NLRP4: variants seen among roughly 807,000 people sequenced by gnomAD.
The protein encoded by NLRP4 is NLR family pyrin domain containing 4, also known as NACHT, LRR and PYD domains-containing protein 4.
Under a neutral mutation model 84.7 loss-of-function variants are expected in NLRP4, and 44 were observed. That is an observed-to-expected ratio of 0.52 (90% CI 0.41 to 0.67). NLRP4 has a LOEUF of 0.67. NLRP4 is among the 30% of genes least tolerant of loss of function. The probability of loss-of-function intolerance (pLI) is 0.00; values close to 1 mark genes in which losing one functional copy is unlikely to be tolerated. For synonymous variants in NLRP4, 544 were observed against 476.4 expected (o/e 1.14, Z -1.85); for missense variants, 1,260 against 1,219.4 (o/e 1.03, Z -0.50).
intron 8 of NLRP4, 77 bp from the exon 9 acceptor site, chr19:55,878,717 A>G (rs1985468149): frequency 9.9e-6 from 13 of 1,317,638 alleles, no homozygotes; most frequent in Non-Finnish European, 1.4e-5. Context: ...TGCCTCAACT[A>G]GACGTCTAGC....
chr19:55,851,687 TGTCCGAGGCTGCGGTGTAATGTCCGA>T lies in NLRP4; in HGVS notation c.-65-327_-65-302del, dbSNP rs1568660096. Among the ~76,000 whole-genome samples, 548 of 141,728 alleles carry T rather than the reference TGTCCGAGGCTGCGGTGTAATGTCCGA, an allele frequency of 3.9e-3. 2 individuals are homozygous for T. Among genetic ancestry groups the T allele is most frequent in the East Asian group, 0.017 (80 of 4,804 alleles). 93.0% of individuals were successfully genotyped at this position (141,728 alleles called of 152,430 possible). On this transcript the variant is annotated intron_variant, in intron 1 of 9. Transcript: ENST00000301295. ...TGTAATGTCCGAGGCTGCGGTGTAATGTCCGAGGCTGCGGTGTAATGTCCGAGGCTGCGGTGTAATTTCCGAAGCTG... is the reference window on the plus strand; with the variant it reads ...TGTAATGTCCGAGGCTGCGGTGTAATGGCTGCGGTGTAATTTCCGAAGCTG...
intron 1 of NLRP4, 104 bp downstream of exon 1, chr19:55,837,038 A>C (rs1218728186): frequency 6.6e-6 from 1 of 152,226 alleles, no homozygotes; most frequent in Non-Finnish European, 1.5e-5. Flanking sequence ...CTGTAATTCC[A>C]GAATGTGATT....
chr19:55,873,691 A>G lies in NLRP4; in HGVS notation c.2525+2694A>G, dbSNP rs373275804. Among the ~76,000 whole-genome samples the G allele has an allele frequency of 8.5e-5, 13 of 152,274 alleles. 1 individual carries two copies. The highest frequency in any genetic ancestry group is 5.9e-4 in the Admixed American group (9 of 15,290). ...AAAAGACCACGCAAATATTAAAAGGAAGCTTACGCAACTGTATGAATCAGA... is the reference window on the plus strand; with the variant it reads ...AAAAGACCACGCAAATATTAAAAGGGAGCTTACGCAACTGTATGAATCAGA... On this transcript the variant is annotated intron_variant, in intron 7 of 9. Transcript: ENST00000301295.
chr19:55,861,634 C>A, intron 4 of NLRP4, 87 bp downstream of exon 4: 1 of 1,253,548 alleles, frequency 8.0e-7, no homozygotes, highest in Non-Finnish European at 1.1e-6. Flanking sequence ...GCTAACTGCA[C>A]AAGCAAAGAA....
At chr19:55,870,756 T>C in intron 6 of NLRP4, 71 bp from the exon 7 acceptor site, 1 of 1,109,480 alleles carries the variant, frequency 9.0e-7, no homozygotes, top group Non-Finnish European at 1.4e-6. Context: ...ACCCTGAATG[T>C]GAAATTAAGC....
At chr19:55,867,411 C>G (rs967390155) in intron 5 of NLRP4, among the ~76,000 whole-genome samples, 4 of 151,552 alleles carry the variant, frequency 2.6e-5, no homozygotes, top group African/African-American at 9.7e-5. Context: ...TTGGCTGTCT[C>G]TGTACCCCAG....
chr19:55,866,743 C>T (rs1332813184), intron 5 of NLRP4, among the ~76,000 whole-genome samples: 1 of 152,116 alleles, frequency 6.6e-6, no homozygotes, highest in Non-Finnish European at 1.5e-5. Flanking sequence ...GGCACACATG[C>T]AAAATAGCCC....
At chr19:55,847,428 C>T (rs536775428) in intron 1 of NLRP4, among the ~76,000 whole-genome samples, 4 of 152,094 alleles carry the variant, frequency 2.6e-5, no homozygotes, top group Admixed American at 6.5e-5. Flanking sequence ...AGAATGTTCT[C>T]TTGTGTGTAG....
Position 55,861,561 on chromosome 19 carries a change from C to A in NLRP4, c.2018+14C>A. 4 of 1,611,186 alleles carry A rather than the reference C, an allele frequency of 2.5e-6. No homozygotes were observed. Among genetic ancestry groups the A allele is most frequent in the Non-Finnish European group, 3.4e-6 (4 of 1,177,924 alleles). ...TCAGAAGCTTGGGTGAGTTGAGAAT[C>A]GACTTCGACTCGAGTATGTCACGGA... On this transcript the variant is annotated intron_variant, in intron 4 of 9. Transcript: ENST00000301295.
At chr19:55,871,142 G>T in intron 7 of NLRP4, 145 bp downstream of exon 7, 1 of 664,248 alleles carries the variant, frequency 1.5e-6, no homozygotes, top group East Asian at 2.8e-5. Context: ...TCAGATTCTT[G>T]TCGAGACGTT....
chr19:55,851,672 G>GAGGCTGCGGTGTAATGTCCA (rs1984156353), intron 1 of NLRP4, among the ~76,000 whole-genome samples: 1 of 147,594 alleles, frequency 6.8e-6, no homozygotes. Context: ...TGTAATGTCC[G>GAGGCTGCGGTGTAATGTCCA]AGGCTGCGGT....
intron 5 of NLRP4, among the ~76,000 whole-genome samples, chr19:55,866,187 C>T (rs1653646609): frequency 6.6e-6 from 1 of 152,142 alleles, no homozygotes; most frequent in Admixed American, 6.5e-5. Context: ...GTGCCCACCA[C>T]CATGCCCAGC....
chr19:55,874,432 G>C (rs901866093), intron 7 of NLRP4, among the ~76,000 whole-genome samples: 1 of 152,020 alleles, frequency 6.6e-6, no homozygotes, highest in Non-Finnish European at 1.5e-5. Context: ...GAAGAGTGCA[G>C]GTCTATGTCA....
intron 1 of NLRP4, among the ~76,000 whole-genome samples, chr19:55,837,683 G>C (rs538342199): frequency 2.0e-5 from 3 of 152,142 alleles, no homozygotes; most frequent in African/African-American, 7.2e-5. Flanking sequence ...AATTAGTTAA[G>C]GCGAGGTCAT....
At chr19:55,850,004 G>A (rs74182580) in intron 1 of NLRP4, among the ~76,000 whole-genome samples, 1,143 of 28,026 alleles carry the variant, frequency 0.041, 56 homozygotes, top group Non-Finnish European at 0.069. Context: ...ACTGCGGTGT[G>A]ATTTCCGAGA....
At chr19:55,850,212 T>A (rs867795090) in intron 1 of NLRP4, among the ~76,000 whole-genome samples, 350 of 92,854 alleles carry the variant, frequency 3.8e-3, no homozygotes, top group African/African-American at 4.6e-3. Context: ...GTAATTTCCG[T>A]GGCTGCGGTG....
chr19:55,851,211 GTGGCTGCGGTGT>G lies in NLRP4; in HGVS notation c.-65-804_-65-793del, dbSNP rs1984119551. Among the ~76,000 whole-genome samples the G allele has an allele frequency of 1.9e-4, 4 of 20,926 alleles. 1 individual carries two copies. The highest frequency in any genetic ancestry group is 7.2e-4 in the African/African-American group (1 of 1,394). 13.7% of individuals were successfully genotyped at this position (20,926 alleles called of 152,430 possible). ...TGTCCGAGGCTGCGGTGTAATGTCCGTGGCTGCGGTGTAATGTCCGAGGCTGCGGTGTAATTT... is the reference window on the plus strand; with the variant it reads ...TGTCCGAGGCTGCGGTGTAATGTCCGAATGTCCGAGGCTGCGGTGTAATTT... On this transcript the variant is annotated intron_variant, in intron 1 of 9. Transcript: ENST00000301295.
intron 5 of NLRP4, among the ~76,000 whole-genome samples, chr19:55,864,320 A>C (rs1419592695): frequency 2.6e-5 from 4 of 152,220 alleles, no homozygotes; most frequent in Non-Finnish European, 2.9e-5. Flanking sequence ...GTTGAATCAC[A>C]TGTGGTCTTT....
At chr19:55,856,539 G>A (rs1214015936) in intron 2 of NLRP4, among the ~76,000 whole-genome samples, 3 of 135,086 alleles carry the variant, frequency 2.2e-5, no homozygotes, top group Non-Finnish European at 3.1e-5. Context: ...TTTTTGAGAC[G>A]GAGCCTCCTT....
Sources: gnomAD v4.1 joint callset for allele counts (sites outside exome capture counted in the v4.1 genomes callset) on GRCh38, gnomAD v4.1.1 for gene constraint, MANE v1.5 for transcripts, NCBI Gene and HGNC (gene_info 2026-07-23, HGNC 2026-07-21) for gene names.